Variants in SCYL3 observed in about 807,000 individuals in gnomAD.
SCYL3 encodes protein-associating with the carboxyl-terminal domain of ezrin.
SCYL3 carries 35 observed loss-of-function variants against 73.8 expected under a neutral mutation model. The observed-to-expected ratio is 0.47, with a 90% CI of 0.36 to 0.63. SCYL3 has a LOEUF of 0.63. SCYL3 is among the 20% of genes least tolerant of loss of function. The probability of loss-of-function intolerance (pLI) is 0.00; values close to 1 mark genes in which losing one functional copy is unlikely to be tolerated. For synonymous variants in SCYL3, 277 were observed against 295.2 expected (o/e 0.94, Z 0.63); for missense variants, 712 against 798.9 (o/e 0.89, Z 1.31).
intron 1 of SCYL3, among the ~76,000 whole-genome samples, chr1:169,892,970 G>A (rs1347463332): frequency 6.6e-6 from 1 of 152,078 alleles, no homozygotes; most frequent in Non-Finnish European, 1.5e-5. Context: ...GGTATCCAGC[G>A]GTAACGTTAC....
Position 169,851,504 on chromosome 1 carries a change from T to C in SCYL3, c.*2209A>G, listed in dbSNP as rs761306166. 1.3e-5 allele frequency: 3 copies of C among 236,838 alleles called. No homozygotes were observed. Among genetic ancestry groups the C allele is most frequent in the African/African-American group, 4.6e-5 (2 of 43,776 alleles). 14.7% of individuals were successfully genotyped at this position (236,838 alleles called of 1,614,324 possible). A position where few individuals can be genotyped will look rare whatever the true frequency, so the allele number is the denominator to read the frequency against. On this transcript the variant is annotated 3_prime_UTR_variant, in exon 13 of 13. Coordinates refer to ENST00000367771, the MANE Select transcript of SCYL3 (RefSeq NM_020423.7). ...TGAGCCACCACACTTGGCCTACTTATATTACATCTAAGCTGGATTTTAAGT... is the reference window on the plus strand; with the variant it reads ...TGAGCCACCACACTTGGCCTACTTACATTACATCTAAGCTGGATTTTAAGT...
intron 7 of SCYL3, among the ~76,000 whole-genome samples, chr1:169,868,026 T>C (rs1013788949): frequency 6.6e-6 from 1 of 152,202 alleles, no homozygotes; most frequent in African/African-American, 2.4e-5. Context: ...TTTGTATTTG[T>C]CAATTAAAAA....
At position 169,854,428 on chromosome 1, in the gene SCYL3, G is replaced by A; in HGVS notation, c.1849C>T (p.Pro617Ser). 6.2e-7 allele frequency: 1 copy of A among 1,614,038 alleles called. No homozygotes were observed. Among genetic ancestry groups the A allele is most frequent in the Non-Finnish European group, 8.5e-7 (1 of 1,179,954 alleles). ...IQVKKKPVKD[P>S]EMDWFADMIP... ...ATATCAGCAAACCAATCCATCTCAG[G>A]ATCTTTTACTGGCTTCTTTTTTACT... The change falls in exon 12 of 13, where the codon CCT (proline) becomes TCT (serine). Residue 617 changes from proline to serine, a missense_variant. Physicochemically the swap from Pro to Ser is moderately conservative, Grantham distance 74. Around this residue, in one of 2 missense-constraint regions of SCYL3, gnomAD observed 370 missense variants for 350.8 expected, o/e 1.05. Coordinates refer to ENST00000367771, the MANE Select transcript of SCYL3 (RefSeq NM_020423.7).
chr1:169,869,899 GATT>G (rs922757010), intron 6 of SCYL3, among the ~76,000 whole-genome samples: 8 of 152,158 alleles, frequency 5.3e-5, no homozygotes, highest in African/African-American at 2.4e-5. Context: ...CTATTATTCA[GATT>G]ATTACATATA....
intron 2 of SCYL3, among the ~76,000 whole-genome samples, chr1:169,880,329 T>C (rs1445458027): frequency 6.6e-6 from 1 of 152,076 alleles, no homozygotes; most frequent in Non-Finnish European, 1.5e-5. Context: ...TAAAACAAGA[T>C]AAATTTTTTA....
chr1:169,886,207 A>G (rs1178504695), intron 2 of SCYL3, among the ~76,000 whole-genome samples: 1 of 152,078 alleles, frequency 6.6e-6, no homozygotes, highest in East Asian at 1.9e-4. Context: ...GCTACGTGGG[A>G]TGCTGAGGCA....
intron 2 of SCYL3, among the ~76,000 whole-genome samples, chr1:169,884,285 TG>T (rs772085465): frequency 2.0e-5 from 3 of 152,146 alleles, no homozygotes; most frequent in South Asian, 2.1e-4. Flanking sequence ...TTTTTACAAG[TG>T]TTTTTTTATT....
At chr1:169,882,386 C>A (rs1054253432) in intron 2 of SCYL3, among the ~76,000 whole-genome samples, 1 of 152,202 alleles carries the variant, frequency 6.6e-6, no homozygotes, top group African/African-American at 2.4e-5. Flanking sequence ...CATGCCTGAG[C>A]CTCCCACCCC....
At chr1:169,889,899 A>T (rs1489875793) in intron 1 of SCYL3, among the ~76,000 whole-genome samples, 1 of 152,240 alleles carries the variant, frequency 6.6e-6, no homozygotes, top group Non-Finnish European at 1.5e-5. Flanking sequence ...TATATGTTGA[A>T]GTATTAACAG....
intron 12 of SCYL3, chr1:169,853,991 T>TA (rs1658806463): frequency 4.9e-6 from 3 of 617,234 alleles, no homozygotes; most frequent in Non-Finnish European, 5.5e-6. Flanking sequence ...TAAAATCCAG[T>TA]AAAAATCAGT....
At chr1:169,876,350 TGGCA>T (rs1660803823) in intron 3 of SCYL3, among the ~76,000 whole-genome samples, 2 of 152,330 alleles carry the variant, frequency 1.3e-5, no homozygotes, top group Middle Eastern at 6.8e-3. Flanking sequence ...CTGCCTCATG[TGGCA>T]GGTTAATAAA....
intron 6 of SCYL3, 91 bp from the exon 7 acceptor site, chr1:169,869,130 T>G (rs182184545): frequency 2.1e-6 from 2 of 964,368 alleles, no homozygotes; most frequent in Admixed American, 4.1e-5. Flanking sequence ...AAAACCAACC[T>G]GTAAAAGCCC....
chr1:169,875,938 TA>T (rs1660767290), intron 4 of SCYL3, 39 bp downstream of exon 4: 12 of 1,397,190 alleles, frequency 8.6e-6, no homozygotes, highest in Non-Finnish European at 1.2e-5. Flanking sequence ...AAGACGCTAT[TA>T]AAAACCAAGT....
At chr1:169,856,754 G>A (rs1219314669) in intron 11 of SCYL3, among the ~76,000 whole-genome samples, 1 of 152,182 alleles carries the variant, frequency 6.6e-6, no homozygotes, top group South Asian at 2.1e-4. Flanking sequence ...CCCTTTCATA[G>A]CTGAAAATGA....
chr1:169,882,328 G>A (rs1466172909), intron 2 of SCYL3, among the ~76,000 whole-genome samples: 1 of 152,216 alleles, frequency 6.6e-6, no homozygotes, highest in Non-Finnish European at 1.5e-5. Flanking sequence ...TTTCTCGCCG[G>A]GCCTTAGCTG....
At chr1:169,884,064 C>T (rs1175324730) in intron 2 of SCYL3, among the ~76,000 whole-genome samples, 1 of 152,054 alleles carries the variant, frequency 6.6e-6, no homozygotes, top group African/African-American at 2.4e-5. Context: ...ATTTTGCCAA[C>T]TCTGGGAATA....
intron 11 of SCYL3, among the ~76,000 whole-genome samples, chr1:169,858,794 C>T (rs1659395742): frequency 6.6e-6 from 1 of 151,826 alleles, no homozygotes; most frequent in Non-Finnish European, 1.5e-5. Flanking sequence ...CCAAAATGTC[C>T]TTATGTGGTA....
At chr1:169,862,508 G>C (rs1434748503) in intron 10 of SCYL3, 105 bp downstream of exon 10, 1 of 1,208,542 alleles carries the variant, frequency 8.3e-7, no homozygotes, top group African/African-American at 1.5e-5. Context: ...ACAGACTGCT[G>C]CCTGAAGGCT....
rs1239488939 is a variant in SCYL3, at chr1:169,851,616, A to G, written c.*2097T>C. On this transcript the variant is annotated 3_prime_UTR_variant, in exon 13 of 13. Transcript: ENST00000367771. ...CATTTTTTCCTGCAAAGACAACTCT[A>G]TAACTAACTATTTTGTAAGGAAGAA... The G allele has an allele frequency of 5.9e-5, 38 of 648,078 alleles. No homozygotes were observed. The highest frequency in any genetic ancestry group is 8.7e-5 in the Non-Finnish European group (34 of 389,778). The allele number at this position is 648,078 out of a possible 1,614,324, so 40.1% of individuals were successfully genotyped here.
Sources: gnomAD v4.1 joint callset for allele counts (sites outside exome capture counted in the v4.1 genomes callset) on GRCh38, gnomAD v4.1.1 for gene constraint, gnomAD v4.1.1 regional missense constraint, MANE v1.5 for transcripts, NCBI Gene and HGNC (gene_info 2026-07-23, HGNC 2026-07-21) for gene names.